The following FARP1 variants were observed in gnomAD, a reference collection of about 807,000 sequenced individuals.
FARP1 encodes FERM, ARH/RhoGEF and pleckstrin domain protein 1.
A neutral mutation model predicts 128.8 loss-of-function variants in FARP1; 52 were observed. That is an observed-to-expected ratio of 0.40 (90% CI 0.32 to 0.51). The LOEUF is 0.51. FARP1 is among the 20% of genes least tolerant of loss of function. FARP1 has a pLI of 0.45. For synonymous variants in FARP1, 580 were observed against 551.8 expected (o/e 1.05, Z -0.72); for missense variants, 1,333 against 1,367.9 (o/e 0.97, Z 0.40).
Position 98,368,190 on chromosome 13 carries a change from C to A in FARP1, c.393C>A (p.Leu131=), listed in dbSNP as rs756790950. The A allele has an allele frequency of 1.2e-6, 2 of 1,612,570 alleles. No individual in the cohort carries two copies. Among genetic ancestry groups the A allele is most frequent in the South Asian group, 1.1e-5 (1 of 91,024 alleles). The change falls in exon 5 of 27, where the codon CTC becomes CTA. Residue 131 remains leucine (L), a synonymous_variant. Transcript: ENST00000319562. Reference sequence around the variant, plus strand: ...ACCACACACAACTCCAAGAAGAACTCACAAGGTTAGTGGTTTGGAAACTGT... The same window carrying A: ...ACCACACACAACTCCAAGAAGAACTAACAAGGTTAGTGGTTTGGAAACTGT... ...PPDHTQLQEE[L]TRYLFALQVK... is the part of the protein sequence containing the mutation.
chr13:98,154,117 T>G (rs1336621756), intron 1 of FARP1, among the ~76,000 whole-genome samples: 1 of 152,240 alleles, frequency 6.6e-6, no homozygotes, highest in Non-Finnish European at 1.5e-5. Flanking sequence ...CACTCACTTT[T>G]GCTATCTAGT....
chr13:98,421,866 A>T (rs537028600), intron 16 of FARP1, among the ~76,000 whole-genome samples: 1 of 151,942 alleles, frequency 6.6e-6, no homozygotes, highest in East Asian at 1.9e-4. Flanking sequence ...AAAAAAAAAA[A>T]ATTTTTTTTA....
At chr13:98,429,791 G>A (rs1311367304) in intron 17 of FARP1, among the ~76,000 whole-genome samples, 8 of 152,278 alleles carry the variant, frequency 5.3e-5, no homozygotes, top group South Asian at 2.1e-4. Context: ...ATCTGGTGCC[G>A]CATTTTCCTC....
At chr13:98,267,743 C>T (rs1884195532) in intron 2 of FARP1, among the ~76,000 whole-genome samples, 1 of 152,250 alleles carries the variant, frequency 6.6e-6, no homozygotes, top group Admixed American at 6.5e-5. Flanking sequence ...TTTGCCTTCC[C>T]ACCGAGGACT....
At chr13:98,221,235 AC>A (rs1264940132) in intron 2 of FARP1, among the ~76,000 whole-genome samples, 1 of 152,150 alleles carries the variant, frequency 6.6e-6, no homozygotes, top group Non-Finnish European at 1.5e-5. Context: ...CCTTCCTTTC[AC>A]CCTGAACTTT....
chr13:98,383,044 A>G (rs1187762496), intron 6 of FARP1, among the ~76,000 whole-genome samples: 1 of 152,224 alleles, frequency 6.6e-6, no homozygotes, highest in Non-Finnish European at 1.5e-5. Flanking sequence ...CCAGTTAACT[A>G]AAATGTTGTT....
chr13:98,393,528 A>C, intron 11 of FARP1, 115 bp from the exon 12 acceptor site: 1 of 752,126 alleles, frequency 1.3e-6, no homozygotes, highest in Middle Eastern at 2.4e-4. Context: ...GGGTACCATC[A>C]TTATTGAGGA....
At chr13:98,405,963 C>T (rs1268983717) in intron 13 of FARP1, 6 of 152,182 alleles carry the variant, frequency 3.9e-5, no homozygotes, top group African/African-American at 9.6e-5. Flanking sequence ...TAAATCAAAC[C>T]GGGCTCATTT....
At chr13:98,270,107 G>A (rs1471264675) in intron 2 of FARP1, among the ~76,000 whole-genome samples, 1 of 152,198 alleles carries the variant, frequency 6.6e-6, no homozygotes, top group Non-Finnish European at 1.5e-5. Flanking sequence ...TTTATAGAAG[G>A]AGAAATGCAG....
chr13:98,203,154 GCTCTCCTTCCAGTTACCTCC>G (rs1266719839), intron 1 of FARP1, among the ~76,000 whole-genome samples: 1 of 152,216 alleles, frequency 6.6e-6, no homozygotes, highest in East Asian at 1.9e-4. Flanking sequence ...ACTGGAGTCA[GCTCTCCTTCCAGTTACCTCC>G]CTCTCCTTCC....
At chr13:98,194,841 G>A (rs1336638981) in intron 1 of FARP1, among the ~76,000 whole-genome samples, 13 of 152,322 alleles carry the variant, frequency 8.5e-5, no homozygotes, top group Admixed American at 7.2e-4. Flanking sequence ...TGTTCCTAGT[G>A]TATGTAACCA....
chr13:98,436,481 C>G (rs141391375), intron 19 of FARP1, among the ~76,000 whole-genome samples: 32 of 152,330 alleles, frequency 2.1e-4, no homozygotes, highest in African/African-American at 7.2e-4. Flanking sequence ...TCACCCAGGT[C>G]GAGAGACAAC....
rs1409441725 is a variant in FARP1, at chr13:98,176,804, G to A, written c.-24+33312G>A. On this transcript the variant is annotated intron_variant, in intron 1 of 26. Transcript: ENST00000319562. This position sits in a 1 kb window ranked among gnomAD's most constrained non-coding sequence, Gnocchi z 6.2. ...TAGCTGTGGATTCCCCGGTAGATGTGGTCGTGCTCCCGACCCCGCAGTGCC... is the reference window on the plus strand; with the variant it reads ...TAGCTGTGGATTCCCCGGTAGATGTAGTCGTGCTCCCGACCCCGCAGTGCC... The A allele has an allele frequency of 9.3e-6, 15 of 1,613,472 alleles. No homozygotes were observed. The highest frequency in any genetic ancestry group is 4.5e-5 in the East Asian group (2 of 44,826).
At chr13:98,325,608 A>G (rs1887195199) in intron 2 of FARP1, among the ~76,000 whole-genome samples, 1 of 152,230 alleles carries the variant, frequency 6.6e-6, no homozygotes, top group African/African-American at 2.4e-5. Flanking sequence ...ACTGGAACCC[A>G]GAATCAGGTT....
rs750259401 is a variant in FARP1, at chr13:98,446,706, C to T, written c.2945C>T (p.Ser982Leu). The T allele has an allele frequency of 1.2e-5, 19 of 1,614,062 alleles. No individual in the cohort carries two copies. The highest frequency in any genetic ancestry group is 1.6e-4 in the Middle Eastern group (1 of 6,084). ...GCCAGCCTGCCTCTGCTCGGCTACT[C>T]GCTCACCATCCCCTCTGAGTCCGAG... ...PLASLPLLGY[S>L]LTIPSESENI... is the part of the protein sequence containing the mutation. Residue 982 changes from serine to leucine, a missense_variant, in exon 26 of 27, where the codon TCG becomes TTG. Ser to Leu is a moderately radical substitution (Grantham distance 145, BLOSUM62 -2). Around this residue, in one of 2 missense-constraint regions of FARP1, gnomAD observed 1,009 missense variants for 969.8 expected, o/e 1.04. Transcript: ENST00000319562.
At position 98,448,986 on chromosome 13, in the gene FARP1, T is replaced by C. The variant is rs2139198013; in HGVS notation, c.*669T>C. 6.6e-6 allele frequency: 1 copy of C among 152,350 alleles called. No homozygotes were observed. The highest frequency in any genetic ancestry group is 6.5e-5 in the Admixed American group (1 of 15,308). The allele number at this position is 152,350 out of a possible 1,614,324, so 9.4% of individuals were successfully genotyped here. A position where few individuals can be genotyped will look rare whatever the true frequency, so the allele number is the denominator to read the frequency against. On this transcript the variant is annotated 3_prime_UTR_variant, in exon 27 of 27. Transcript: ENST00000319562. The stretch of plus-strand genomic sequence containing the variant: ...CCAAATCGTTTTAAGTGGTAACTCT[T>C]TCCAACCGTAGCAGGGTTGTTTTCT...
At chr13:98,431,473 T>TG (rs1892020563) in intron 18 of FARP1, 193 bp downstream of exon 18, 2 of 523,140 alleles carry the variant, frequency 3.8e-6, no homozygotes, top group Admixed American at 7.1e-5. Context: ...TTTTTTTTTT[T>TG]TTTTTTGAGA....
intron 2 of FARP1, among the ~76,000 whole-genome samples, chr13:98,286,616 CCT>C (rs921947367): frequency 2.0e-5 from 3 of 152,158 alleles, no homozygotes; most frequent in Non-Finnish European, 2.9e-5. Flanking sequence ...GTCCTTTAAA[CCT>C]CTTTCTTTTG....
rs369995257 is a variant in FARP1, at chr13:98,438,287, C to T, written c.2275-517C>T. Among the ~76,000 whole-genome samples the T allele has an allele frequency of 4.8e-4, 73 of 152,188 alleles. 2 individuals carry two copies. Among genetic ancestry groups the T allele is most frequent in the African/African-American group, 1.7e-3 (69 of 41,514 alleles). On this transcript the variant is annotated intron_variant, in intron 19 of 26. Coordinates refer to ENST00000319562, the MANE Select transcript of FARP1 (RefSeq NM_005766.4). The stretch of plus-strand genomic sequence containing the variant: ...GTTTTCAATCATGGAGAAGCTTCCT[C>T]CAGCCACAGTGCTCCCATGTGGCCT...
Sources: allele counts gnomAD v4.1 joint callset (sites outside exome capture counted in the v4.1 genomes callset), GRCh38; gene constraint gnomAD v4.1.1; regional missense constraint gnomAD v4.1.1; non-coding constraint Gnocchi (gnomAD v3.1); transcripts MANE v1.5; gene names NCBI Gene and HGNC (gene_info 2026-07-23, HGNC 2026-07-21).